UBE4A: variants seen among roughly 807,000 people sequenced by gnomAD.
UBE4A encodes the protein ubiquitin conjugation factor E4 A.
In UBE4A, 48 loss-of-function variants were observed where a neutral mutation model predicts 117.9. That is an observed-to-expected ratio of 0.41 (90% CI 0.32 to 0.52). The LOEUF (loss-of-function observed/expected upper bound fraction) is 0.52. UBE4A is among the 20% of genes least tolerant of loss of function. The probability of loss-of-function intolerance (pLI) is 0.33; values close to 1 mark genes in which losing one functional copy is unlikely to be tolerated. For synonymous variants in UBE4A, 407 were observed against 450.0 expected (o/e 0.90, Z 1.21); for missense variants, 1,067 against 1,296.3 (o/e 0.82, Z 2.72).
chr11:118,395,368 T>C lies in UBE4A; in HGVS notation c.3075-946T>C, dbSNP rs543834400. On this transcript the variant is annotated intron_variant, in intron 19 of 19. Coordinates refer to ENST00000252108, the MANE Select transcript of UBE4A (RefSeq NM_001204077.2). Reference sequence around the variant, plus strand: ...AAAAAGAATTTTCTACCTCTTGGTATTTGGTATTAAGCATTCACTATATCG... The same window carrying C: ...AAAAAGAATTTTCTACCTCTTGGTACTTGGTATTAAGCATTCACTATATCG... 1.6e-4 allele frequency among the ~76,000 whole-genome samples: 24 copies of C among 152,120 alleles called. No homozygotes were observed. The South Asian group carries it at 2.5e-3, about 16-fold the overall frequency.
At chr11:118,378,598 G>A (rs1351468520) in intron 10 of UBE4A, 13 of 152,244 alleles carry the variant, frequency 8.5e-5, no homozygotes, top group African/African-American at 2.9e-4. Flanking sequence ...TTGATGCAGA[G>A]CATTTTTCAA....
chr11:118,360,193 T>C (rs1338793737), intron 1 of UBE4A, among the ~76,000 whole-genome samples: 2 of 152,238 alleles, frequency 1.3e-5, no homozygotes, highest in African/African-American at 4.8e-5. Flanking sequence ...CTCTGCTTCA[T>C]GTTTCCTTGG....
At position 118,365,211 on chromosome 11, in the gene UBE4A, G is replaced by T; in HGVS notation, c.121+10G>T. The T allele has an allele frequency of 6.3e-7, 1 of 1,591,270 alleles. No homozygotes were observed. The highest frequency in any genetic ancestry group is 1.4e-5 in the African/African-American group (1 of 74,044). On this transcript the variant is annotated intron_variant, in intron 2 of 19. Coordinates refer to ENST00000252108, the MANE Select transcript of UBE4A (RefSeq NM_001204077.2). ...CTGAAGCAACAATCTGGTAAGTGGA[G>T]GAGCCAATAGCAGCAAATAAGATGA... is the stretch of plus-strand genomic sequence containing the variant.
chr11:118,376,546 C>A, intron 9 of UBE4A, 28 bp from the exon 10 acceptor site: 1 of 1,606,900 alleles, frequency 6.2e-7, no homozygotes, highest in Non-Finnish European at 8.5e-7. Context: ...AGACATTTAC[C>A]CTCTTTTTTT....
At position 118,375,103 on chromosome 11, in the gene UBE4A, C is replaced by T. The variant is rs781842734; in HGVS notation, c.1324C>T (p.Leu442Phe). The T allele has an allele frequency of 1.2e-5, 20 of 1,614,110 alleles. No homozygotes were observed. The highest frequency in any genetic ancestry group is 1.1e-5 in the Non-Finnish European group (13 of 1,180,042). ...DAFFLNLGAA[L>F]LKLCQPFCKP... ...TTTCTTTCTGAATCTGGGTGCTGCT[C>T]TCCTGAAGCTATGCCAGCCATTTTG... Residue 442 changes from leucine (L) to phenylalanine (F), a missense_variant, in exon 9 of 20, where the codon CTC (leucine) becomes TTC (phenylalanine). By Grantham distance (22) the Leu-to-Phe change is conservative. Transcript: ENST00000252108.
rs1948759890 is a variant in UBE4A, at chr11:118,386,488, G to A, written c.2463G>A (p.Trp821Ter). The A allele has an allele frequency of 6.2e-7, 1 of 1,609,616 alleles. No homozygotes were observed. The highest frequency in any genetic ancestry group is 8.5e-7 in the Non-Finnish European group (1 of 1,178,772). Residue 821 changes from tryptophan to a stop codon, truncating the protein, a stop_gained, in exon 16 of 20, where the codon TGG (tryptophan) becomes TGA (stop). Transcript: ENST00000252108. LOFTEE classifies it high-confidence loss of function. ...IQQIEKDRGE[W>*]DSLTPEARRE... is the part of the protein sequence containing the mutation. ...AAATTGAGAAGGATCGAGGTGAATG[G>A]GATAGTCTGACTCCAGAAGCCCGCC...
chr11:118,375,370 T>G, intron 9 of UBE4A, 141 bp downstream of exon 9: 1 of 909,308 alleles, frequency 1.1e-6, no homozygotes, highest in Non-Finnish European at 1.6e-6. Flanking sequence ...TTTTTTTTCT[T>G]TTTTTTTGAG....
chr11:118,366,440 G>A lies in UBE4A; in HGVS notation c.121+1239G>A, dbSNP rs1486892689. Among the ~76,000 whole-genome samples the A allele has an allele frequency of 5.3e-5, 8 of 152,172 alleles. No homozygotes were observed. The South Asian group carries it at 8.3e-4, about 16-fold the overall frequency. The stretch of plus-strand genomic sequence containing the variant: ...CAGTATAGCAGCTGAGCAACAGAAC[G>A]CTTGTCCTTCTGGCTATAAACAGAC... On this transcript the variant is annotated intron_variant, in intron 2 of 19. Coordinates refer to ENST00000252108, the MANE Select transcript of UBE4A (RefSeq NM_001204077.2).
intron 1 of UBE4A, among the ~76,000 whole-genome samples, chr11:118,364,697 T>C (rs184553383): frequency 1.1e-4 from 17 of 152,252 alleles, no homozygotes; most frequent in African/African-American, 3.8e-4. Context: ...GTTATTACAA[T>C]TAGTAGGTGA....
At chr11:118,360,034 A>T (rs1948508451) in intron 1 of UBE4A, among the ~76,000 whole-genome samples, 1 of 152,218 alleles carries the variant, frequency 6.6e-6, no homozygotes, top group African/African-American at 2.4e-5. Flanking sequence ...GCATGGAAGG[A>T]TAAAATATAA....
At position 118,394,920 on chromosome 11, in the gene UBE4A, T is replaced by C. The variant is rs145878405; in HGVS notation, c.3075-1394T>C. On this transcript the variant is annotated intron_variant, in intron 19 of 19. Transcript: ENST00000252108. ...AATTCAAGGCTGCACTGAGTTATGA[T>C]GGCAGCACTGCACTCCTGCCTGGGC... Among the ~76,000 whole-genome samples, 1,014 of 152,076 alleles carry C rather than the reference T, an allele frequency of 6.7e-3. 7 individuals carry two copies. The highest frequency in any genetic ancestry group is 0.011 in the Non-Finnish European group (755 of 67,982).
intron 1 of UBE4A, 137 bp downstream of exon 1, chr11:118,359,811 C>T (rs1335138890): frequency 6.6e-6 from 1 of 152,504 alleles, no homozygotes; most frequent in Non-Finnish European, 1.5e-5. Flanking sequence ...TAACCAGGGA[C>T]CTTCTCCTTC....
chr11:118,396,627 A>G lies in UBE4A; in HGVS notation c.*187A>G, dbSNP rs759026488. ...AGTTAAGATTCCTAAGAACTTGACA[A>G]TGCTCCCCTGGCTTGCAGGAAATTA... On this transcript the variant is annotated 3_prime_UTR_variant, in exon 20 of 20. Transcript: ENST00000252108. 6.6e-6 allele frequency: 4 copies of G among 606,730 alleles called. No homozygotes were observed. The highest frequency in any genetic ancestry group is 5.1e-5 in the South Asian group (2 of 39,094). 37.6% of individuals were successfully genotyped at this position (606,730 alleles called of 1,614,324 possible). A position where few individuals can be genotyped will look rare whatever the true frequency, so the allele number is the denominator to read the frequency against.
rs1286745420 is a variant in UBE4A, at chr11:118,368,720, T to C, written c.211T>C (p.Ser71Pro). 6.2e-7 allele frequency: 1 copy of C among 1,614,166 alleles called. No individual in the cohort carries two copies. The highest frequency in any genetic ancestry group is 1.1e-5 in the South Asian group (1 of 91,082). ...TTACTCTGTGGCTGAGATTAGCCGC[T>C]CATTCCGATCACAGCAGGAAATATG... ...FDYSVAEISR[S>P]FRSQQEICEQ... Residue 71 changes from serine (S) to proline (P), a missense_variant, in exon 3 of 20, where the codon TCA (serine) becomes CCA (proline). Around this residue, in one of 3 missense-constraint regions of UBE4A, gnomAD observed 1,001 missense variants for 1,184.0 expected, o/e 0.85. Transcript: ENST00000252108.
At chr11:118,395,033 AAG>A (rs1330485873) in intron 19 of UBE4A, among the ~76,000 whole-genome samples, 17 of 152,098 alleles carry the variant, frequency 1.1e-4, no homozygotes, top group African/African-American at 4.1e-4. Flanking sequence ...AAATATTAAA[AAG>A]ATGAATTTTT....
chr11:118,361,080 G>T (rs769556063), intron 1 of UBE4A, among the ~76,000 whole-genome samples: 14 of 146,770 alleles, frequency 9.5e-5, no homozygotes, highest in Admixed American at 2.1e-4. Context: ...GCAGTGGCAC[G>T]ATCTCAGCTC....
At chr11:118,376,509 A>AT in intron 9 of UBE4A, 65 bp from the exon 10 acceptor site, 1 of 1,566,046 alleles carries the variant, frequency 6.4e-7, no homozygotes, top group Non-Finnish European at 8.6e-7. Context: ...TGGAAATTGA[A>AT]TGAGTGTAAG....
At chr11:118,373,762 G>A in intron 8 of UBE4A, 77 bp downstream of exon 8, 1 of 1,457,192 alleles carries the variant, frequency 6.9e-7, no homozygotes, top group Non-Finnish European at 9.1e-7. Flanking sequence ...AGATAAGGCT[G>A]CTCAAGCCTC....
intron 17 of UBE4A, among the ~76,000 whole-genome samples, chr11:118,390,454 TA>T (rs1948803226): frequency 3.4e-5 from 5 of 144,986 alleles, no homozygotes; most frequent in African/African-American, 1.3e-4. Flanking sequence ...ATAAAATATA[TA>T]TTATATTTTA....
Sources: gnomAD v4.1 joint callset for allele counts (sites outside exome capture counted in the v4.1 genomes callset) on GRCh38, gnomAD v4.1.1 for gene constraint, gnomAD v4.1.1 regional missense constraint, MANE v1.5 for transcripts, NCBI Gene and HGNC (gene_info 2026-07-23, HGNC 2026-07-21) for gene names.